Variants in ADAMTSL1 observed in about 807,000 individuals in gnomAD.
ADAMTSL1 encodes ADAMTS-like protein 1.
A neutral mutation model predicts 201.8 loss-of-function variants in ADAMTSL1; 126 were observed. The ratio of observed to expected loss-of-function variants is 0.62; its 90% CI spans 0.54 to 0.72. The LOEUF (loss-of-function observed/expected upper bound fraction) is 0.72. ADAMTSL1 is among the 30% of genes least tolerant of loss of function. The pLI, the probability that ADAMTSL1 is intolerant of heterozygous loss-of-function variation, is 0.00. For synonymous variants in ADAMTSL1, 1,121 were observed against 903.4 expected, an observed-to-expected ratio of 1.24 and a Z score of -4.32; for missense variants, 2,679 against 2,277.8, an observed-to-expected ratio of 1.18 and a Z score of -3.59.
intron 26 of ADAMTSL1, among the ~76,000 whole-genome samples, chr9:18,896,801 A>C (rs1017942358): frequency 2.0e-5 from 3 of 152,212 alleles, no homozygotes; most frequent in African/African-American, 7.2e-5. Flanking sequence ...CAGTCTCAGC[A>C]GAGCAGTTGC....
intron 2 of ADAMTSL1, among the ~76,000 whole-genome samples, chr9:18,341,193 G>C (rs1165847079): frequency 1.3e-5 from 2 of 152,148 alleles, no homozygotes; most frequent in East Asian, 3.9e-4. Flanking sequence ...GATTTGCAAG[G>C]CTCCTCACAA....
intron 1 of ADAMTSL1, among the ~76,000 whole-genome samples, chr9:18,475,622 A>G (rs567518949): frequency 1.3e-5 from 2 of 152,326 alleles, no homozygotes; most frequent in Admixed American, 1.3e-4. Context: ...TGAAAAATAC[A>G]AAGAACAGAA....
At position 17,977,372 on chromosome 9, in the gene ADAMTSL1, G is replaced by T. The variant is rs576962101; in HGVS notation, c.87+70450G>T. Among the ~76,000 whole-genome samples the T allele has an allele frequency of 2.2e-3, 333 of 152,166 alleles. 3 individuals are homozygous for T. The highest frequency in any genetic ancestry group is 1.2e-3 in the South Asian group (6 of 4,822). On this transcript the variant is annotated intron_variant, in intron 1 of 29. Transcript: ENST00000680146. ...TTTGGAAAAATTCATTCTTCAAAAA[G>T]ATTTTGAGAAGGATTGCTATTAGTT...
intron 2 of ADAMTSL1, among the ~76,000 whole-genome samples, chr9:18,532,603 G>A (rs1303781056): frequency 6.6e-6 from 1 of 151,860 alleles, no homozygotes; most frequent in African/African-American, 2.4e-5. Flanking sequence ...AACAAAAACA[G>A]GCTACAAAAT....
intron 1 of ADAMTSL1, among the ~76,000 whole-genome samples, chr9:17,932,212 C>G (rs1299565410): frequency 6.6e-6 from 1 of 152,150 alleles, no homozygotes; most frequent in Non-Finnish European, 1.5e-5. Flanking sequence ...TGCAGCTGTA[C>G]TTGATTCTGT....
At position 18,271,338 on chromosome 9, in the gene ADAMTSL1, C is replaced by A. The variant is rs188466480; in HGVS notation, c.207+107357C>A. Among the ~76,000 whole-genome samples the A allele has an allele frequency of 1.4e-4, 22 of 152,194 alleles. 1 individual carries two copies. The highest frequency in any genetic ancestry group is 6.2e-4 in the South Asian group (3 of 4,810). On this transcript the variant is annotated intron_variant, in intron 2 of 29. Transcript: ENST00000680146. ...TAATGCTATCCCTCCCCACTCCCCC[C>A]ACCCCACAACCCGGTGTGTGATGTT... is the stretch of plus-strand genomic sequence containing the variant.
At chr9:18,787,146 G>A (rs1457003744) in intron 19 of ADAMTSL1, among the ~76,000 whole-genome samples, 4 of 152,284 alleles carry the variant, frequency 2.6e-5, no homozygotes, top group Admixed American at 2.6e-4. Context: ...GGAAAAACAA[G>A]CCCATTTCAG....
chr9:18,195,454 T>A (rs949106402), intron 2 of ADAMTSL1, among the ~76,000 whole-genome samples: 2 of 152,244 alleles, frequency 1.3e-5, no homozygotes, highest in Middle Eastern at 6.8e-3. Context: ...GGAGCTAGGG[T>A]CAAGGCTAAG....
intron 2 of ADAMTSL1, among the ~76,000 whole-genome samples, chr9:18,251,014 T>G (rs896800355): frequency 6.6e-6 from 1 of 151,622 alleles, no homozygotes; most frequent in East Asian, 1.9e-4. Context: ...AATGAAGAAA[T>G]AGAAGAGAAT....
chr9:18,892,368 G>T, intron 25 of ADAMTSL1, 21 bp from the exon 26 acceptor site: 1 of 1,603,698 alleles, frequency 6.2e-7, no homozygotes, highest in South Asian at 1.1e-5. Context: ...GGGCTCTCCT[G>T]ACACTTCTTC....
At chr9:18,529,650 A>G (rs930268801) in intron 2 of ADAMTSL1, among the ~76,000 whole-genome samples, 1 of 152,224 alleles carries the variant, frequency 6.6e-6, no homozygotes, top group South Asian at 2.1e-4. Context: ...TGTTTCTATT[A>G]TAATCCACAA....
In ADAMTSL1 at chr9:18,292,425, A is replaced by T. The variant is rs1460034997; in HGVS notation, c.207+128444A>T. ...CTCAGTGTTAGGGCCTGTGATGATTAATATTGAGCGTCAACTTGATTGGAT... is the reference window on the plus strand; with the variant it reads ...CTCAGTGTTAGGGCCTGTGATGATTTATATTGAGCGTCAACTTGATTGGAT... On this transcript the variant is annotated intron_variant, in intron 2 of 29. Coordinates refer to the ADAMTSL1 transcript ENST00000680146. Among the ~76,000 whole-genome samples the T allele has an allele frequency of 2.6e-5, 4 of 152,150 alleles. No homozygotes were observed. In the East Asian group the frequency reaches 7.7e-4, roughly 29 times the overall value.
chr9:18,724,239 C>T (rs764698608), intron 15 of ADAMTSL1, among the ~76,000 whole-genome samples: 46 of 152,304 alleles, frequency 3.0e-4, no homozygotes, highest in South Asian at 8.3e-4. Flanking sequence ...TTGTTAGTCC[C>T]ACTGAACACC....
chr9:18,527,254 A>G (rs574947531), intron 2 of ADAMTSL1, among the ~76,000 whole-genome samples: 9 of 152,244 alleles, frequency 5.9e-5, no homozygotes, highest in African/African-American at 2.2e-4. Flanking sequence ...GCTTAGCAAC[A>G]TTCTTTGCTT....
chr9:17,980,816 G>C lies in ADAMTSL1; in HGVS notation c.87+73894G>C, dbSNP rs111997176. 1.5e-3 allele frequency among the ~76,000 whole-genome samples: 227 copies of C among 152,286 alleles called. 1 individual carries two copies. Among genetic ancestry groups the C allele is most frequent in the African/African-American group, 5.1e-3 (213 of 41,564 alleles). ...TATTTGGCTTACAGTTCTGCAGGCT[G>C]TATAAGAAGTAATCTTCTTATACAG... On this transcript the variant is annotated intron_variant, in intron 1 of 29. Transcript: ENST00000680146.
At chr9:17,946,460 C>T (rs1052457443) in intron 1 of ADAMTSL1, among the ~76,000 whole-genome samples, 6 of 152,098 alleles carry the variant, frequency 3.9e-5, no homozygotes, top group African/African-American at 7.2e-5. Flanking sequence ...TTTGGTTCTC[C>T]GTTTAGAAGA....
intron 3 of ADAMTSL1, among the ~76,000 whole-genome samples, chr9:18,563,975 G>A (rs1024053452): frequency 5.9e-5 from 9 of 152,298 alleles, no homozygotes; most frequent in African/African-American, 2.2e-4. Context: ...CGCTAAGCTA[G>A]ACCACTTGGC....
intron 1 of ADAMTSL1, among the ~76,000 whole-genome samples, chr9:17,937,573 C>G (rs573304911): frequency 1.5e-4 from 17 of 114,936 alleles, no homozygotes; most frequent in African/African-American, 4.7e-4. Flanking sequence ...GTAATATTAA[C>G]CCTTTTTAGA....
Position 18,230,870 on chromosome 9 carries a change from T to G in ADAMTSL1, c.207+66889T>G, listed in dbSNP as rs186160537. Reference sequence around the variant, plus strand: ...CAAGTAACTGAGAATGTATTTTATATTAAATGAGAGTTGAAAGGCTGAAAT... The same window carrying G: ...CAAGTAACTGAGAATGTATTTTATAGTAAATGAGAGTTGAAAGGCTGAAAT... On this transcript the variant is annotated intron_variant, in intron 2 of 29. Transcript: ENST00000680146. Among the ~76,000 whole-genome samples, 1,040 of 152,310 alleles carry G rather than the reference T, an allele frequency of 6.8e-3. 15 individuals carry two copies. The highest frequency in any genetic ancestry group is 7.6e-3 in the Non-Finnish European group (514 of 68,030).
Sources: gnomAD v4.1 joint callset for allele counts (sites outside exome capture counted in the v4.1 genomes callset) on GRCh38, gnomAD v4.1.1 for gene constraint, MANE v1.5 for transcripts, NCBI Gene and HGNC (gene_info 2026-07-23, HGNC 2026-07-21) for gene names.